The following SIL1 variants were observed in gnomAD, a reference collection of about 807,000 sequenced individuals.
SIL1 encodes the protein SIL1 nucleotide exchange factor.
In SIL1, 40 loss-of-function variants were observed where a neutral mutation model predicts 49.1. That is an observed-to-expected ratio of 0.81 (90% CI 0.63 to 1.06). The LOEUF (loss-of-function observed/expected upper bound fraction) is 1.06. Among genes scored for constraint, SIL1 ranks in the 50% least tolerant of loss-of-function variants. The pLI is 0.00. For missense variants in SIL1, 500 were observed against 572.6 expected, an observed-to-expected ratio of 0.87 and a Z score of 1.29; for synonymous variants, 253 against 250.8, an observed-to-expected ratio of 1.01 and a Z score of -0.08.
chr5:139,127,367 G>T, intron 2 of SIL1, among the ~76,000 whole-genome samples: 1 of 152,190 alleles, frequency 6.6e-6, no homozygotes, highest in South Asian at 2.1e-4. Flanking sequence ...ATGTCTCTGA[G>T]TCTTAGTCTT....
In SIL1 at chr5:139,153,764, TA is replaced by T. The variant is rs542856841; in HGVS notation, c.-10-25912del. Among the ~76,000 whole-genome samples the T allele has an allele frequency of 8.1e-4, 124 of 152,322 alleles. 1 individual carries two copies. The highest frequency in any genetic ancestry group is 2.9e-3 in the African/African-American group (121 of 41,576). On this transcript the variant is annotated intron_variant, in intron 1 of 9. Coordinates refer to ENST00000394817, the MANE Select transcript of SIL1 (RefSeq NM_022464.5). ...CTTCTAAGAGAAAAAAAGGGGCATA[TA>T]AACAAATAATCACCACATAGTATGA... is the stretch of plus-strand genomic sequence containing the variant.
chr5:139,103,174 C>T (rs1324317297), intron 3 of SIL1, among the ~76,000 whole-genome samples: 4 of 152,194 alleles, frequency 2.6e-5, no homozygotes, highest in African/African-American at 9.6e-5. Flanking sequence ...ACCGCAATGA[C>T]ATCCCCACCC....
intron 7 of SIL1, among the ~76,000 whole-genome samples, chr5:139,008,868 T>A (rs1041031726): frequency 3.3e-5 from 5 of 152,238 alleles, no homozygotes; most frequent in East Asian, 1.9e-4. Flanking sequence ...TGCTGAGGAG[T>A]GCTTTACTTC....
intron 7 of SIL1, chr5:139,012,738 T>C (rs1351602569): frequency 6.6e-6 from 1 of 152,114 alleles, no homozygotes; most frequent in African/African-American, 2.4e-5. Context: ...AAGGCCAAGG[T>C]GGGAGAATCA....
At chr5:139,007,210 C>G (rs1276890870) in intron 7 of SIL1, among the ~76,000 whole-genome samples, 1 of 137,414 alleles carries the variant, frequency 7.3e-6, no homozygotes, top group African/African-American at 2.8e-5. Context: ...GTATTTTATT[C>G]TCTTTGAAGC....
At chr5:139,143,876 A>G (rs1751142290) in intron 1 of SIL1, among the ~76,000 whole-genome samples, 1 of 152,214 alleles carries the variant, frequency 6.6e-6, no homozygotes, top group Non-Finnish European at 1.5e-5. Flanking sequence ...AAATTTTGCC[A>G]ATGAAGCAAA....
chr5:139,047,488 C>T (rs1769191445), intron 4 of SIL1, among the ~76,000 whole-genome samples: 1 of 152,238 alleles, frequency 6.6e-6, no homozygotes, highest in Non-Finnish European at 1.5e-5. Context: ...GATTAATGGG[C>T]TGTCCCCATC....
chr5:139,065,231 C>T (rs1769680167), intron 3 of SIL1, among the ~76,000 whole-genome samples: 1 of 152,164 alleles, frequency 6.6e-6, no homozygotes, highest in Admixed American at 6.5e-5. Context: ...TGTACCACAT[C>T]GAAAACACCC....
intron 7 of SIL1, among the ~76,000 whole-genome samples, chr5:138,984,415 G>A (rs988872732): frequency 1.5e-4 from 22 of 150,404 alleles, no homozygotes; most frequent in African/African-American, 5.4e-4. Flanking sequence ...CTGGAGTGCA[G>A]TGGGGTGATC....
intron 2 of SIL1, among the ~76,000 whole-genome samples, chr5:139,125,108 A>G (rs921046960): frequency 6.6e-6 from 1 of 152,248 alleles, no homozygotes; most frequent in African/African-American, 2.4e-5. Context: ...TCCCAGTAAA[A>G]GAACAAGCAC....
At chr5:139,023,737 C>T (rs897456555) in intron 6 of SIL1, among the ~76,000 whole-genome samples, 1 of 152,192 alleles carries the variant, frequency 6.6e-6, no homozygotes, top group African/African-American at 2.4e-5. Context: ...GTGCCATCTT[C>T]CTTAAAACTA....
At chr5:138,954,149 C>G (rs1184984835) in intron 7 of SIL1, among the ~76,000 whole-genome samples, 1 of 152,220 alleles carries the variant, frequency 6.6e-6, no homozygotes, top group East Asian at 1.9e-4. Context: ...CCACTCTGTC[C>G]CCCTCAGGCA....
intron 2 of SIL1, among the ~76,000 whole-genome samples, chr5:139,124,093 C>A (rs1323928459): frequency 6.6e-6 from 1 of 152,008 alleles, no homozygotes; most frequent in Non-Finnish European, 1.5e-5. Context: ...TAATTTCTGG[C>A]AGGCTGTAAG....
chr5:139,021,004 G>T (rs1440671936), intron 7 of SIL1, 167 bp downstream of exon 7: 6 of 906,288 alleles, frequency 6.6e-6, no homozygotes, highest in Admixed American at 2.1e-5. Flanking sequence ...GACAACATGG[G>T]TAAAAATTCC....
At chr5:138,951,927 C>T (rs1212024746) in intron 7 of SIL1, 43 bp from the exon 8 acceptor site, 56 of 1,550,118 alleles carry the variant, frequency 3.6e-5, no homozygotes, top group Non-Finnish European at 5.0e-5. Context: ...CTGCCCAGCC[C>T]AGGGATCGGA....
intron 7 of SIL1, among the ~76,000 whole-genome samples, chr5:138,985,279 A>G (rs973158372): frequency 6.6e-6 from 1 of 152,206 alleles, no homozygotes; most frequent in Non-Finnish European, 1.5e-5. Context: ...GTTTCCATCT[A>G]GGGATGAGTG....
intron 3 of SIL1, among the ~76,000 whole-genome samples, chr5:139,092,298 A>G (rs1200940246): frequency 6.6e-6 from 1 of 152,174 alleles, no homozygotes; most frequent in Admixed American, 6.5e-5. Flanking sequence ...TGAAAAAGGT[A>G]GGAAAAAAAT....
chr5:138,977,732 A>G lies in SIL1; in HGVS notation c.768-25848T>C, dbSNP rs1276514759. Among the ~76,000 whole-genome samples the G allele has an allele frequency of 3.3e-5, 5 of 152,288 alleles. No homozygotes were observed. In the East Asian group the frequency reaches 9.7e-4, roughly 29 times the overall value. Reference sequence around the variant, plus strand: ...CCTGCTACCCTTAGAATAAAATCCAAATTTAGTTCACCTAGGTCTCTAGGT... The same window carrying G: ...CCTGCTACCCTTAGAATAAAATCCAGATTTAGTTCACCTAGGTCTCTAGGT... On this transcript the variant is annotated intron_variant, in intron 7 of 9. Transcript: ENST00000394817.
chr5:139,025,274 G>A (rs924202675), intron 6 of SIL1, among the ~76,000 whole-genome samples: 1 of 152,142 alleles, frequency 6.6e-6, no homozygotes, highest in Non-Finnish European at 1.5e-5. Flanking sequence ...GAGAAACAGA[G>A]TGGCCAAAAG....
Sources: gnomAD v4.1 joint callset for allele counts (sites outside exome capture counted in the v4.1 genomes callset) on GRCh38, gnomAD v4.1.1 for gene constraint, MANE v1.5 for transcripts, NCBI Gene and HGNC (gene_info 2026-07-23, HGNC 2026-07-21) for gene names.